GPI: variants seen among roughly 807,000 people sequenced by gnomAD.
GPI encodes the protein D-hexose-6-phosphate anomerase.
In GPI, 56 loss-of-function variants were observed where a neutral mutation model predicts 75.8. The observed-to-expected ratio is 0.74, with a 90% CI of 0.60 to 0.92. The LOEUF is 0.92. GPI is among the 40% of genes least tolerant of loss of function. The pLI, the probability that GPI is intolerant of heterozygous loss-of-function variation, is 0.00. For missense variants in GPI, 638 were observed against 741.0 expected, an observed-to-expected ratio of 0.86 and a Z score of 1.61; for synonymous variants, 288 against 285.4, an observed-to-expected ratio of 1.01 and a Z score of -0.09.
At chr19:34,396,525 A>G (rs2074947622) in intron 13 of GPI, 56 bp from the exon 14 acceptor site, 2 of 1,611,520 alleles carry the variant, frequency 1.2e-6, no homozygotes, top group African/African-American at 1.3e-5. Flanking sequence ...CCTCTAGGCC[A>G]TATGGCTAGC....
chr19:34,366,730 A>G, intron 2 of GPI, 53 bp from the exon 3 acceptor site: 1 of 1,262,660 alleles, frequency 7.9e-7, no homozygotes, highest in Non-Finnish European at 1.2e-6. Context: ...GGGGGCTGAC[A>G]CTTGGGGTGG....
At position 34,368,637 on chromosome 19, in the gene GPI, G is replaced by T. The variant is rs780591996; in HGVS notation, c.337G>T (p.Val113Leu). 6.2e-7 allele frequency: 1 copy of T among 1,614,174 alleles called. No individual in the cohort carries two copies. Residue 113 changes from valine (V) to leucine (L), a missense_variant, in exon 4 of 18, where the codon GTA becomes TTA. Coordinates refer to ENST00000356487, the MANE Select transcript of GPI (RefSeq NM_000175.5). ...LRNRSNTPILVDGKDVMPEVN... is the reference protein window; with the variant it reads ...LRNRSNTPILLDGKDVMPEVN... ...GAACCGGTCAAACACACCCATCCTG[G>T]TAGACGGCAAGGATGTGATGCCAGA...
At chr19:34,383,399 T>G (rs1343094578) in intron 9 of GPI, among the ~76,000 whole-genome samples, 1 of 152,132 alleles carries the variant, frequency 6.6e-6, no homozygotes, top group Non-Finnish European at 1.5e-5. Flanking sequence ...TCAGCCGGGC[T>G]CTGTGGGAGG....
chr19:34,384,371 G>A (rs1198295087), intron 9 of GPI, among the ~76,000 whole-genome samples: 1 of 152,164 alleles, frequency 6.6e-6, no homozygotes, highest in Admixed American at 6.5e-5. Flanking sequence ...GTATTTTTGG[G>A]TCTCACAGGT....
At chr19:34,377,971 C>T (rs756863593) in intron 6 of GPI, 90 bp downstream of exon 6, 13 of 1,371,526 alleles carry the variant, frequency 9.5e-6, no homozygotes, top group Non-Finnish European at 1.4e-5. Flanking sequence ...GGCCATTGGT[C>T]CCTTTTGGTG....
chr19:34,400,997 A>T lies in GPI; in HGVS notation c.*961A>T, dbSNP rs2075013778. 1.8e-5 allele frequency: 3 copies of T among 170,822 alleles called. No individual in the cohort carries two copies. The highest frequency in any genetic ancestry group is 2.4e-5 in the Non-Finnish European group (2 of 82,756). The allele number at this position is 170,822 out of a possible 1,614,324, so 10.6% of individuals were successfully genotyped here. ...CGCCTCAGCCTCCCACAGTGCTGGGATTACAGGTATGAGCCACCACGCCCG... is the reference window on the plus strand; with the variant it reads ...CGCCTCAGCCTCCCACAGTGCTGGGTTTACAGGTATGAGCCACCACGCCCG... On this transcript the variant is annotated 3_prime_UTR_variant, in exon 18 of 18. Transcript: ENST00000356487.
intron 4 of GPI, among the ~76,000 whole-genome samples, chr19:34,375,870 C>T (rs117649091): frequency 0.014 from 2,205 of 152,258 alleles, 23 homozygotes; most frequent in South Asian, 0.022. Context: ...GGAAGCTATG[C>T]AGAGGCATGA....
At chr19:34,361,892 G>A (rs533678841), upstream of GPI, among the ~76,000 whole-genome samples, 1 of 151,986 alleles carries the variant, frequency 6.6e-6, no homozygotes, top group Non-Finnish European at 1.5e-5. Context: ...TGAGGCAGAC[G>A]GATCACGAGG....
At chr19:34,367,025 C>T in intron 3 of GPI, 174 bp downstream of exon 3, 1 of 703,718 alleles carries the variant, frequency 1.4e-6, no homozygotes, top group South Asian at 1.5e-5. Context: ...GGTGTGCCTT[C>T]CACAAGATTG....
Position 34,399,984 on chromosome 19 carries a change from C to T in GPI, c.1625C>T (p.Thr542Ile), listed in dbSNP as rs759417789. ...CAAGTGACCTCTCACGACGCTTCTA[C>T]CAATGGGCTCATCAACTTCATCAAG... ...SAQVTSHDAS[T>I]NGLINFIKQQ... The change falls in exon 18 of 18, where the codon ACC becomes ATC. Residue 542 changes from threonine (T) to isoleucine (I), a missense_variant. Thr to Ile is a moderately conservative substitution (Grantham distance 89, BLOSUM62 -1). Transcript: ENST00000356487. 1 of 1,613,836 alleles carries T rather than the reference C, an allele frequency of 6.2e-7. No homozygotes were observed. The highest frequency in any genetic ancestry group is 8.5e-7 in the Non-Finnish European group (1 of 1,179,972).
intron 3 of GPI, 83 bp from the exon 4 acceptor site, chr19:34,368,500 G>C: frequency 6.7e-7 from 1 of 1,502,816 alleles, no homozygotes; most frequent in Non-Finnish European, 9.2e-7. Flanking sequence ...ATAGAGGGCC[G>C]AGCTATGGCA....
chr19:34,390,890 G>A (rs562319580), intron 9 of GPI, among the ~76,000 whole-genome samples: 1,421 of 139,634 alleles, frequency 0.01, 21 homozygotes, highest in Non-Finnish European at 0.016. Flanking sequence ...CCGTGTCTGA[G>A]GAGGTAGCAC....
chr19:34,368,895 G>T (rs576317591), intron 4 of GPI, 193 bp downstream of exon 4: 2 of 673,764 alleles, frequency 3.0e-6, no homozygotes, highest in African/African-American at 3.6e-5. Context: ...TCCTGGCTCT[G>T]CTCTGAAGGA....
Position 34,399,319 on chromosome 19 carries a change from G to A in GPI, c.1382G>A (p.Arg461Lys). 6.2e-7 allele frequency: 1 copy of A among 1,614,164 alleles called. No homozygotes were observed. Among genetic ancestry groups the A allele is most frequent in the Non-Finnish European group, 8.5e-7 (1 of 1,180,030 alleles). ...AAGKSPEDLE[R>K]LLPHKVFEGN... ...GGCAAGAGTCCAGAGGACCTTGAGAGGCTGCTGCCACATAAGGTCAGCACT... is the reference window on the plus strand; with the variant it reads ...GGCAAGAGTCCAGAGGACCTTGAGAAGCTGCTGCCACATAAGGTCAGCACT... The change falls in exon 15 of 18, where the codon AGG becomes AAG. Residue 461 changes from arginine to lysine, a missense_variant. Arg to Lys is a conservative substitution (Grantham distance 26, BLOSUM62 2). Transcript: ENST00000356487.
At chr19:34,364,909 G>A (rs764139010), upstream of GPI, 1 of 1,439,844 alleles carries the variant, frequency 6.9e-7, no homozygotes, top group South Asian at 1.2e-5. Context: ...GCAGCGGCGC[G>A]ATGGTAGCTC....
chr19:34,362,498 C>G (rs1018622470), upstream of GPI, among the ~76,000 whole-genome samples: 1 of 151,986 alleles, frequency 6.6e-6, no homozygotes, highest in South Asian at 2.1e-4. Flanking sequence ...TTCGCAATAC[C>G]CAAAGCTGTT....
Position 34,393,130 on chromosome 19 carries a change from G to C in GPI, c.805-118G>C. 2.5e-6 allele frequency: 2 copies of C among 791,176 alleles called. No homozygotes were observed. Among genetic ancestry groups the C allele is most frequent in the Non-Finnish European group, 4.5e-6 (2 of 444,518 alleles). 49.0% of individuals were successfully genotyped at this position (791,176 alleles called of 1,614,324 possible). On this transcript the variant is annotated intron_variant, in intron 9 of 17. Transcript: ENST00000356487. The surrounding 1 kb of genome is among the most constrained non-coding windows in gnomAD (Gnocchi z 4.4). Reference sequence around the variant, plus strand: ...GCCTGCTGCCTTGCTTCCTGGAGGTGGGTTGGGCCAGGGCCCTCCGAGACG... The same window carrying C: ...GCCTGCTGCCTTGCTTCCTGGAGGTCGGTTGGGCCAGGGCCCTCCGAGACG...
upstream of GPI, chr19:34,364,972 C>T: frequency 6.5e-7 from 1 of 1,528,684 alleles, no homozygotes. Context: ...TGCCCACCCT[C>T]CCCACTGCCA....
chr19:34,395,242 C>G (rs1045181255), intron 12 of GPI, among the ~76,000 whole-genome samples: 2 of 152,046 alleles, frequency 1.3e-5, no homozygotes, highest in Admixed American at 6.5e-5. Context: ...AAAGGCTGTA[C>G]TCTTAGCCAG....
Sources: allele counts gnomAD v4.1 joint callset (sites outside exome capture counted in the v4.1 genomes callset), GRCh38; gene constraint gnomAD v4.1.1; non-coding constraint Gnocchi (gnomAD v3.1); transcripts MANE v1.5; gene names NCBI Gene and HGNC (gene_info 2026-07-23, HGNC 2026-07-21).